Variants in SHANK2 observed in about 807,000 individuals in gnomAD.
SHANK2 encodes the protein SH3 and multiple ankyrin repeat domains protein 2.
A neutral mutation model predicts 133.7 loss-of-function variants in SHANK2; 43 were observed. That is an observed-to-expected ratio of 0.32 (90% CI 0.25 to 0.41). The LOEUF (loss-of-function observed/expected upper bound fraction) is 0.41, where lower values mean the gene tolerates loss of function less well. Ranked by LOEUF, SHANK2 falls within the 10% of genes least tolerant of loss-of-function variation. SHANK2 has a pLI of 1.00. For missense variants in SHANK2, 1,994 were observed against 2,235.8 expected (o/e 0.89, Z 2.18); for synonymous variants, 1,017 against 952.8 (o/e 1.07, Z -1.24).
chr11:70,897,861 T>C (rs183228762), intron 10 of SHANK2, among the ~76,000 whole-genome samples: 139 of 152,308 alleles, frequency 9.1e-4, no homozygotes, highest in Admixed American at 1.9e-3. Flanking sequence ...CTCAAATTTG[T>C]GTAATAATTT....
chr11:71,218,244 CT>C (rs1281755565), intron 2 of SHANK2, among the ~76,000 whole-genome samples: 1 of 145,500 alleles, frequency 6.9e-6, no homozygotes, highest in Non-Finnish European at 1.5e-5. Context: ...TGAAGAAATT[CT>C]TCTAATTTTC....
intron 10 of SHANK2, 64 bp from the exon 11 acceptor site, chr11:70,896,631 A>G (rs148242129): frequency 5.6e-5 from 39 of 700,260 alleles, no homozygotes; most frequent in African/African-American, 5.4e-4. Flanking sequence ...TGCATATACT[A>G]TTACATCATT....
At chr11:70,575,077 C>T (rs373794351) in intron 17 of SHANK2, among the ~76,000 whole-genome samples, 9 of 152,242 alleles carry the variant, frequency 5.9e-5, no homozygotes, top group Admixed American at 2.0e-4. Context: ...TGATCCTCTG[C>T]GGTGCATTCA....
At chr11:70,874,128 TATCTATCCATATCC>T (rs1443885570) in intron 11 of SHANK2, among the ~76,000 whole-genome samples, 16 of 152,130 alleles carry the variant, frequency 1.1e-4, no homozygotes, top group South Asian at 4.1e-4. Flanking sequence ...TAATCTATCC[TATCTATCCATATCC>T]ATCTATCCAT....
intron 14 of SHANK2, among the ~76,000 whole-genome samples, chr11:70,755,627 G>C (rs1555038673): frequency 6.6e-6 from 1 of 152,188 alleles, no homozygotes; most frequent in African/African-American, 2.4e-5. Flanking sequence ...GGTTCTCCTG[G>C]CAACCGGCCT....
intron 11 of SHANK2, among the ~76,000 whole-genome samples, chr11:70,848,180 T>C (rs1300011331): frequency 6.6e-6 from 1 of 152,248 alleles, no homozygotes; most frequent in Non-Finnish European, 1.5e-5. Context: ...AGCAATCTTA[T>C]CACTGCTGCC....
intron 8 of SHANK2, among the ~76,000 whole-genome samples, chr11:71,075,765 G>A (rs924693080): frequency 5.9e-5 from 9 of 152,162 alleles, no homozygotes; most frequent in Non-Finnish European, 2.9e-5. Flanking sequence ...CCTGTCCTTC[G>A]ACGTGCGACG....
At chr11:70,848,307 G>A (rs730843) in intron 11 of SHANK2, among the ~76,000 whole-genome samples, 8,752 of 152,206 alleles carry the variant, frequency 0.058, 480 homozygotes, top group East Asian at 0.19. Context: ...GAATCTGCCC[G>A]TGAGCCGCCA....
At chr11:71,212,261 GT>G (rs1555118982) in intron 2 of SHANK2, among the ~76,000 whole-genome samples, 1 of 152,190 alleles carries the variant, frequency 6.6e-6, no homozygotes. Flanking sequence ...TTCAAGCAGA[GT>G]TTTACCAGCG....
intron 6 of SHANK2, among the ~76,000 whole-genome samples, chr11:71,099,055 C>T (rs782515500): frequency 1.3e-5 from 2 of 152,134 alleles, no homozygotes; most frequent in Non-Finnish European, 2.9e-5. Context: ...TCCTCACACC[C>T]ACAGCCCCTA....
intron 14 of SHANK2, among the ~76,000 whole-genome samples, chr11:70,777,797 T>A (rs188281556): frequency 1.6e-3 from 242 of 152,324 alleles, no homozygotes; most frequent in African/African-American, 5.7e-3. Flanking sequence ...TCCCAGCTCA[T>A]CAAACACATC....
intron 14 of SHANK2, among the ~76,000 whole-genome samples, chr11:70,738,234 G>A (rs557231909): frequency 1.3e-5 from 2 of 152,248 alleles, no homozygotes; most frequent in Non-Finnish European, 2.9e-5. Context: ...GTAGATGCTC[G>A]AGCCTTACAA....
intron 14 of SHANK2, among the ~76,000 whole-genome samples, chr11:70,796,672 C>G (rs1302473761): frequency 6.6e-6 from 1 of 152,222 alleles, no homozygotes; most frequent in Non-Finnish European, 1.5e-5. Context: ...GCTTGGAGGT[C>G]TGGCCTGTGC....
At position 71,120,088 on chromosome 11, in the gene SHANK2, A is replaced by G. The variant is rs144001059; in HGVS notation, c.208-1056T>C. Among the ~76,000 whole-genome samples the G allele has an allele frequency of 1.2e-3, 177 of 152,274 alleles. 2 individuals carry two copies. The East Asian group carries it at 0.027, about 23-fold the overall frequency. On this transcript the variant is annotated intron_variant, in intron 3 of 25. Transcript: ENST00000601538. Reference sequence around the variant, plus strand: ...GTTGCCATGAGAGTTCATTTTTGCAAAGTTAAATAGTGTCAACAGGGCCTG... The same window carrying G: ...GTTGCCATGAGAGTTCATTTTTGCAGAGTTAAATAGTGTCAACAGGGCCTG...
At position 70,930,659 on chromosome 11, in the gene SHANK2, C is replaced by CTTTTTTTTTTTTTTTT. The variant is rs367913415; in HGVS notation, c.1108-34093_1108-34092insAAAAAAAAAAAAAAAA. ...TTTTCTCTTGTTTTTATTTCTTTGT[C>CTTTTTTTTTTTTTTTT]TTTTTTTTTTCTTTTTTTTTTTGAG... On this transcript the variant is annotated intron_variant, in intron 10 of 25. Transcript: ENST00000601538. 1.8e-5 allele frequency among the ~76,000 whole-genome samples: 2 copies of CTTTTTTTTTTTTTTTT among 114,192 alleles called. 1 individual carries two copies. The highest frequency in any genetic ancestry group is 3.6e-5 in the Non-Finnish European group (2 of 55,830). The allele number at this position is 114,192 out of a possible 152,430, so 74.9% of individuals were successfully genotyped here.
chr11:71,112,918 G>A (rs952638129), intron 5 of SHANK2, among the ~76,000 whole-genome samples: 1 of 152,158 alleles, frequency 6.6e-6, no homozygotes, highest in African/African-American at 2.4e-5. Context: ...CTTTAACAAG[G>A]TTTTTCCTGA....
At chr11:70,841,520 GCC>G (rs1948904784) in intron 11 of SHANK2, among the ~76,000 whole-genome samples, 1 of 152,212 alleles carries the variant, frequency 6.6e-6, no homozygotes, top group Non-Finnish European at 1.5e-5. Context: ...TCTGCCTTTG[GCC>G]CCATCGCTGA....
intron 1 of SHANK2, among the ~76,000 whole-genome samples, chr11:71,243,138 C>T (rs1342276914): frequency 1.3e-5 from 2 of 152,156 alleles, no homozygotes; most frequent in Non-Finnish European, 2.9e-5. Flanking sequence ...ATAACCAAAA[C>T]CTTCCACCTT....
intron 11 of SHANK2, among the ~76,000 whole-genome samples, chr11:70,837,252 G>A (rs1053912102): frequency 6.6e-6 from 1 of 152,154 alleles, no homozygotes; most frequent in Non-Finnish European, 1.5e-5. Flanking sequence ...GGCTTCCAGG[G>A]GACTTACGCC....
Sources: allele counts gnomAD v4.1 joint callset (sites outside exome capture counted in the v4.1 genomes callset), GRCh38; gene constraint gnomAD v4.1.1; transcripts MANE v1.5; gene names NCBI Gene and HGNC (gene_info 2026-07-23, HGNC 2026-07-21).